The following RPN2 variants were observed in gnomAD, a reference collection of about 807,000 sequenced individuals.
RPN2 encodes ribophorin II.
In RPN2, 29 loss-of-function variants were observed where a neutral mutation model predicts 71.4. That is an observed-to-expected ratio of 0.41 (90% confidence interval 0.30 to 0.55). RPN2 has a LOEUF of 0.55. Ranked by LOEUF, RPN2 falls within the 20% of genes least tolerant of loss-of-function variation. RPN2 has a pLI of 0.35. For synonymous variants in RPN2, 308 were observed against 305.0 expected (o/e 1.01, Z -0.10); for missense variants, 726 against 774.1 (o/e 0.94, Z 0.74).
In RPN2 at chr20:37,207,344, C is replaced by A. The variant is rs760978193; in HGVS notation, c.762C>A (p.Ser254Arg). 5.6e-6 allele frequency: 9 copies of A among 1,613,778 alleles called. No individual in the cohort carries two copies. Among genetic ancestry groups the A allele is most frequent in the Non-Finnish European group, 7.6e-6 (9 of 1,179,742 alleles). Residue 254 changes from serine to arginine, a missense_variant, in exon 7 of 17, where the codon AGC (serine) becomes AGA (arginine). Transcript: ENST00000237530. ...KNFESLSEAFSVASAAAVLSH... is the reference protein window; with the variant it reads ...KNFESLSEAFRVASAAAVLSH... ...TTGAGTCCCTCTCCGAAGCCTTCAG[C>A]GTGGCCTCTGCAGCTGCTGTGCTCT...
Position 37,193,458 on chromosome 20 carries a change from T to C in RPN2, c.208-4939T>C, listed in dbSNP as rs573136736. On this transcript the variant is annotated intron_variant, in intron 2 of 16. Coordinates refer to ENST00000237530, the MANE Select transcript of RPN2 (RefSeq NM_002951.5). ...ACAGAGTGGGAGGGAGGGAGAGGAG[T>C]GAGGCAGGCTGGGGCCAAGCCATAG... 2.7e-5 allele frequency among the ~76,000 whole-genome samples: 4 copies of C among 150,924 alleles called. No individual in the cohort carries two copies. In the South Asian group the frequency reaches 8.4e-4, roughly 32 times the overall value.
chr20:37,232,313 TGAG>T lies in RPN2; in HGVS notation c.1600_1602del (p.Glu534del). On this transcript the variant is annotated inframe_deletion, in exon 14 of 17. Transcript: ENST00000237530. ...TTCGGCAGCACCTGTTCCGCGAGCC[TGAG>T]AAGAGGCCCCCCACCGTGGTGTCCA... 1 of 1,614,208 alleles carries T rather than the reference TGAG, an allele frequency of 6.2e-7. No homozygotes were observed. The highest frequency in any genetic ancestry group is 8.5e-7 in the Non-Finnish European group (1 of 1,180,022).
chr20:37,179,572 G>T (rs958712316), intron 1 of RPN2: 2 of 1,325,646 alleles, frequency 1.5e-6, no homozygotes, highest in Admixed American at 6.2e-5. Context: ...CGGGGTTGGT[G>T]CCTGGGGGAG....
chr20:37,192,653 G>A (rs568523193), intron 2 of RPN2, among the ~76,000 whole-genome samples: 24 of 152,324 alleles, frequency 1.6e-4, no homozygotes, highest in Non-Finnish European at 1.2e-4. Flanking sequence ...TTAAGAATAT[G>A]TTGTCTAATA....
chr20:37,229,982 GTCA>G lies in RPN2; in HGVS notation c.1508_1510del (p.Ile503del). On this transcript the variant is annotated inframe_deletion, in exon 13 of 17. Transcript: ENST00000237530. ...GTCCTTATTTTTCTAGGCTGATGTGGTCATCAAGTTCCCTGAGGAAGAAGCTCC... is the reference window on the plus strand; with the variant it reads ...GTCCTTATTTTTCTAGGCTGATGTGGTCAAGTTCCCTGAGGAAGAAGCTCC... 1.2e-6 allele frequency: 2 copies of G among 1,613,724 alleles called. No individual in the cohort carries two copies. The highest frequency in any genetic ancestry group is 1.7e-6 in the Non-Finnish European group (2 of 1,179,650).
At chr20:37,218,322 C>T (rs1341853983) in intron 9 of RPN2, among the ~76,000 whole-genome samples, 2 of 76,788 alleles carry the variant, frequency 2.6e-5, no homozygotes, top group African/African-American at 4.6e-5. Flanking sequence ...CTGAGGCAAG[C>T]GGATCCCTTG....
intron 15 of RPN2, among the ~76,000 whole-genome samples, chr20:37,234,421 A>G (rs888660750): frequency 3.9e-5 from 6 of 152,234 alleles, no homozygotes; most frequent in Admixed American, 3.9e-4. Context: ...GATGAAGAGC[A>G]TTAATGCAGT....
chr20:37,201,663 C>T (rs1339285984), intron 4 of RPN2, among the ~76,000 whole-genome samples: 1 of 152,162 alleles, frequency 6.6e-6, no homozygotes, highest in East Asian at 1.9e-4. Flanking sequence ...CCGCCTAAAC[C>T]TCAGTGTTCT....
intron 14 of RPN2, among the ~76,000 whole-genome samples, chr20:37,233,517 T>C (rs1342284888): frequency 6.6e-6 from 1 of 152,256 alleles, no homozygotes; most frequent in East Asian, 1.9e-4. Context: ...TAGATAAATC[T>C]AGAAGCCTTG....
In RPN2 at chr20:37,228,356, CA is replaced by C. The variant is rs527655901; in HGVS notation, c.1300-189del. ...AGTTAAATTTCCTTCCTTGTACCAG[CA>C]AAAAGTTATCTCTGAGCTGGGAACT... On this transcript the variant is annotated intron_variant, in intron 11 of 16. Coordinates refer to ENST00000237530, the MANE Select transcript of RPN2 (RefSeq NM_002951.5). 1.7e-3 allele frequency among the ~76,000 whole-genome samples: 254 copies of C among 152,284 alleles called. 1 individual carries two copies. The highest frequency in any genetic ancestry group is 3.0e-3 in the Non-Finnish European group (202 of 68,018).
intron 16 of RPN2, chr20:37,238,270 A>G (rs2068454947): frequency 4.0e-6 from 3 of 750,536 alleles, no homozygotes; most frequent in Admixed American, 2.0e-5. Flanking sequence ...TGTGAGTCCT[A>G]GAATGAACTC....
chr20:37,200,398 T>A, intron 4 of RPN2: 1 of 514,320 alleles, frequency 1.9e-6, no homozygotes, highest in South Asian at 1.5e-5. Flanking sequence ...AAAACAATAT[T>A]TTTTTTGTCA....
intron 15 of RPN2, among the ~76,000 whole-genome samples, chr20:37,236,200 T>G (rs2068384583): frequency 6.6e-6 from 1 of 152,004 alleles, no homozygotes. Context: ...TCAAGCGATC[T>G]TCCTACCTCA....
chr20:37,199,195 C>G lies in RPN2; in HGVS notation c.449C>G (p.Ala150Gly), dbSNP rs749460659. 1 of 1,614,164 alleles carries G rather than the reference C, an allele frequency of 6.2e-7. No individual in the cohort carries two copies. Among genetic ancestry groups the G allele is most frequent in the Non-Finnish European group, 8.5e-7 (1 of 1,180,050 alleles). The change falls in exon 4 of 17, where the codon GCT (alanine) becomes GGT (glycine). Residue 150 changes from alanine to glycine, a missense_variant. Coordinates refer to ENST00000237530, the MANE Select transcript of RPN2 (RefSeq NM_002951.5). ...ASQEALSALT[A>G]RLSKEETVLA... Reference sequence around the variant, plus strand: ...CAAGAAGCACTCAGTGCCCTTACTGCTCGTCTCAGCAAGGAGGAGACTGTG... The same window carrying G: ...CAAGAAGCACTCAGTGCCCTTACTGGTCGTCTCAGCAAGGAGGAGACTGTG...
At chr20:37,179,393 G>A (rs868411764) in intron 1 of RPN2, 24 bp downstream of exon 1, 2 of 86,240 alleles carry the variant, frequency 2.3e-5, no homozygotes, top group Middle Eastern at 4.4e-3. Context: ...CGTGGCTTTG[G>A]GGAGAGGGCT....
chr20:37,232,513 G>A lies in RPN2; in HGVS notation c.1677+122G>A, dbSNP rs549853665. ...AGCTCCAGAGGGGTCCAGCAGCTGT[G>A]ACCTGAATTGATGCTCAAGACATTT... On this transcript the variant is annotated intron_variant, in intron 14 of 16. Transcript: ENST00000237530. 15 of 1,177,490 alleles carry A rather than the reference G, an allele frequency of 1.3e-5. No individual in the cohort carries two copies. In the South Asian group the frequency reaches 1.7e-4, roughly 13 times the overall value. 72.9% of individuals were successfully genotyped at this position (1,177,490 alleles called of 1,614,324 possible).
In RPN2 at chr20:37,232,470, G is replaced by A. The variant is rs897660910; in HGVS notation, c.1677+79G>A. 2.6e-6 allele frequency: 4 copies of A among 1,535,372 alleles called. No homozygotes were observed. In the African/African-American group the frequency reaches 4.1e-5, roughly 16 times the overall value. The stretch of plus-strand genomic sequence containing the variant: ...ATGCATTCCTTCCAAAGGAGGCTGT[G>A]TTGTCTGGCCTCAGTAAAGCTCCAG... On this transcript the variant is annotated intron_variant, in intron 14 of 16. Transcript: ENST00000237530.
chr20:37,235,967 T>A (rs1407053211), intron 15 of RPN2, among the ~76,000 whole-genome samples: 5 of 152,186 alleles, frequency 3.3e-5, no homozygotes, highest in African/African-American at 1.2e-4. Context: ...ATCCTGTGTA[T>A]TTTTGTTAAG....
At chr20:37,194,702 G>A (rs1422514189) in intron 2 of RPN2, among the ~76,000 whole-genome samples, 1 of 152,220 alleles carries the variant, frequency 6.6e-6, no homozygotes, top group Non-Finnish European at 1.5e-5. Flanking sequence ...GTGCTTTGGG[G>A]CAGTGAGGTG....
Sources: gnomAD v4.1 joint callset for allele counts (sites outside exome capture counted in the v4.1 genomes callset) on GRCh38, gnomAD v4.1.1 for gene constraint, MANE v1.5 for transcripts, NCBI Gene and HGNC (gene_info 2026-07-23, HGNC 2026-07-21) for gene names.